NIBAN1: variants seen among roughly 807,000 people sequenced by gnomAD.
NIBAN1 encodes niban apoptosis regulator 1.
NIBAN1 carries 81 observed loss-of-function variants against 75.1 expected under a neutral mutation model. That is an observed-to-expected ratio of 1.08 (90% CI 0.90 to 1.30). The LOEUF is 1.30. Among genes scored for constraint, NIBAN1 ranks in the 50% most tolerant of loss-of-function variants. The pLI is 0.00. For missense variants in NIBAN1, 1,133 were observed against 1,128.1 expected (o/e 1.00, Z -0.06); for synonymous variants, 436 against 424.8 (o/e 1.03, Z -0.32).
chr1:184,853,562 G>C (rs1308234086), intron 5 of NIBAN1, among the ~76,000 whole-genome samples: 1 of 152,130 alleles, frequency 6.6e-6, no homozygotes, highest in Non-Finnish European at 1.5e-5. Context: ...GAACTAACTT[G>C]TGCTCAGCTA....
intron 1 of NIBAN1, among the ~76,000 whole-genome samples, chr1:184,930,149 TTCCTTTA>T (rs1160511943): frequency 6.6e-6 from 1 of 152,206 alleles, no homozygotes; most frequent in African/African-American, 2.4e-5. Context: ...TTGCCGAGCT[TTCCTTTA>T]TCCTCTTTCA....
chr1:184,806,715 TCTC>T (rs1355432939), intron 10 of NIBAN1, among the ~76,000 whole-genome samples: 35 of 151,676 alleles, frequency 2.3e-4, no homozygotes, highest in Admixed American at 2.2e-3. Flanking sequence ...AAAAAAAAGT[TCTC>T]CTTTCTTCCC....
intron 1 of NIBAN1, among the ~76,000 whole-genome samples, chr1:184,966,507 G>A (rs1020937756): frequency 6.6e-6 from 1 of 152,192 alleles, no homozygotes; most frequent in African/African-American, 2.4e-5. Flanking sequence ...AGAATTGTGA[G>A]CAAATAAATA....
At chr1:184,811,090 C>T (rs562887273) in intron 9 of NIBAN1, among the ~76,000 whole-genome samples, 1 of 152,300 alleles carries the variant, frequency 6.6e-6, no homozygotes, top group East Asian at 1.9e-4. Flanking sequence ...ATGACAGAAA[C>T]TGGACTGGGT....
In NIBAN1 at chr1:184,815,871, A is replaced by T. The variant is rs181748467; in HGVS notation, c.1173+2767T>A. ...GTTAGGTCCTTTTTCCATGGTTTAG[A>T]CTAAAAGGCAATAATTAGAAATGTC... On this transcript the variant is annotated intron_variant, in intron 9 of 13. Transcript: ENST00000367511. Among the ~76,000 whole-genome samples the T allele has an allele frequency of 2.0e-4, 31 of 152,322 alleles. No individual in the cohort carries two copies. In the East Asian group the frequency reaches 5.2e-3, roughly 26 times the overall value.
intron 5 of NIBAN1, among the ~76,000 whole-genome samples, chr1:184,832,800 T>C (rs1655034068): frequency 6.6e-6 from 1 of 152,174 alleles, no homozygotes; most frequent in African/African-American, 2.4e-5. Context: ...TTAAGGTGTA[T>C]AGAGGGAGCT....
At chr1:184,896,919 A>G (rs1255944882) in intron 2 of NIBAN1, among the ~76,000 whole-genome samples, 2 of 152,118 alleles carry the variant, frequency 1.3e-5, no homozygotes, top group Non-Finnish European at 2.9e-5. Context: ...TTTTTGTACC[A>G]GTACCATGCT....
intron 5 of NIBAN1, among the ~76,000 whole-genome samples, chr1:184,856,820 G>A (rs12096742): frequency 6.6e-6 from 1 of 152,204 alleles, no homozygotes; most frequent in African/African-American, 2.4e-5. Flanking sequence ...GCAAAAGAAG[G>A]CATAATGATC....
At chr1:184,915,632 A>T (rs550994467) in intron 1 of NIBAN1, among the ~76,000 whole-genome samples, 14 of 152,276 alleles carry the variant, frequency 9.2e-5, no homozygotes, top group Non-Finnish European at 1.6e-4. Flanking sequence ...TGAAGGATGG[A>T]TGGCCTCGGC....
chr1:184,971,880 T>C (rs979682513), intron 1 of NIBAN1, among the ~76,000 whole-genome samples: 6 of 152,200 alleles, frequency 3.9e-5, no homozygotes, highest in Non-Finnish European at 5.9e-5. Flanking sequence ...AACTAACATC[T>C]TTAGAAATGA....
intron 4 of NIBAN1, among the ~76,000 whole-genome samples, chr1:184,889,642 C>T (rs1219946055): frequency 6.6e-6 from 1 of 152,126 alleles, no homozygotes; most frequent in Non-Finnish European, 1.5e-5. Flanking sequence ...TTGTGGAGTG[C>T]TATCAAAGCC....
chr1:184,942,311 C>T (rs1658109935), intron 1 of NIBAN1, among the ~76,000 whole-genome samples: 1 of 152,182 alleles, frequency 6.6e-6, no homozygotes, highest in African/African-American at 2.4e-5. Flanking sequence ...TAGTTGTTTT[C>T]AATTTAAAAG....
chr1:184,804,381 C>A (rs1463330628), intron 11 of NIBAN1, among the ~76,000 whole-genome samples: 6 of 152,126 alleles, frequency 3.9e-5, no homozygotes, highest in Non-Finnish European at 8.8e-5. Context: ...ATTCAAACAA[C>A]CAAAGGCTGC....
Position 184,795,774 on chromosome 1 carries a change from C to G in NIBAN1, c.1990G>C (p.Val664Leu). The G allele has an allele frequency of 1.2e-6, 2 of 1,611,518 alleles. No individual in the cohort carries two copies. The highest frequency in any genetic ancestry group is 1.7e-6 in the Non-Finnish European group (2 of 1,178,498). The change falls in exon 14 of 14, where the codon GTG (valine) becomes CTG (leucine). Residue 664 changes from valine (V) to leucine (L), a missense_variant. Val to Leu is a conservative substitution (Grantham distance 32). Coordinates refer to ENST00000367511, the MANE Select transcript of NIBAN1 (RefSeq NM_052966.4). ...TCCTCTGTTGCCACAGGATTCACCA[C>G]GGGGTCATCCACTCTTGAAATAATC... ...QVIISRVDDP[V>L]VNPVATEDTA...
intron 5 of NIBAN1, among the ~76,000 whole-genome samples, chr1:184,871,375 A>G (rs1656106649): frequency 6.8e-6 from 1 of 146,420 alleles, no homozygotes; most frequent in Non-Finnish European, 1.5e-5. Flanking sequence ...AAAAAAAAAG[A>G]GGAAAATGTG....
chr1:184,925,650 A>G (rs112277809), intron 1 of NIBAN1, among the ~76,000 whole-genome samples: 2,940 of 152,072 alleles, frequency 0.019, 49 homozygotes, highest in South Asian at 0.047. Flanking sequence ...TAAACTGATG[A>G]CAACTTAACA....
intron 5 of NIBAN1, among the ~76,000 whole-genome samples, chr1:184,876,185 AAAAAG>A (rs1557896693): frequency 6.6e-6 from 1 of 152,034 alleles, no homozygotes; most frequent in Non-Finnish European, 1.5e-5. Flanking sequence ...AGAAAAAAAA[AAAAAG>A]AAAAGAGGAA....
Position 184,963,112 on chromosome 1 carries a change from A to G in NIBAN1, c.55+11190T>C, listed in dbSNP as rs1050572002. On this transcript the variant is annotated intron_variant, in intron 1 of 13. Transcript: ENST00000367511. ...AAAATTCCATGTAATAGAAAAATAAAAATTTTTTAAAGACATTTCACTGTG... is the reference window on the plus strand; with the variant it reads ...AAAATTCCATGTAATAGAAAAATAAGAATTTTTTAAAGACATTTCACTGTG... Among the ~76,000 whole-genome samples, 18 of 152,128 alleles carry G rather than the reference A, an allele frequency of 1.2e-4. 1 individual carries two copies. The highest frequency in any genetic ancestry group is 8.8e-5 in the Non-Finnish European group (6 of 67,990).
At chr1:184,816,618 G>A (rs1158310560) in intron 9 of NIBAN1, among the ~76,000 whole-genome samples, 3 of 152,092 alleles carry the variant, frequency 2.0e-5, no homozygotes, top group Non-Finnish European at 2.9e-5. Flanking sequence ...TCAAGCTAGG[G>A]CTTTAAGAAA....
Sources: allele counts gnomAD v4.1 joint callset (sites outside exome capture counted in the v4.1 genomes callset), GRCh38; gene constraint gnomAD v4.1.1; transcripts MANE v1.5; gene names NCBI Gene and HGNC (gene_info 2026-07-23, HGNC 2026-07-21).